BTRC: variants seen among roughly 807,000 people sequenced by gnomAD.
The protein encoded by BTRC is beta-transducin repeat containing E3 ubiquitin protein ligase.
Under a neutral mutation model 85.5 loss-of-function variants are expected in BTRC, and 42 were observed. That is an observed-to-expected ratio of 0.49 (90% CI 0.38 to 0.64). The LOEUF (loss-of-function observed/expected upper bound fraction) is 0.64, where lower values mean the gene tolerates loss of function less well. Among genes scored for constraint, BTRC ranks in the 30% least tolerant of loss-of-function variants. The pLI is 0.00. For synonymous variants in BTRC, 255 were observed against 263.3 expected (o/e 0.97, Z 0.30); for missense variants, 594 against 743.5 (o/e 0.80, Z 2.34).
intron 1 of BTRC, among the ~76,000 whole-genome samples, chr10:101,407,402 C>T (rs1222925265): frequency 1.3e-5 from 2 of 152,044 alleles, no homozygotes; most frequent in African/African-American, 2.4e-5. Context: ...TTTAACACAC[C>T]GTAATTTTTT....
chr10:101,463,004 ATTACAGG>A (rs1047674797), intron 3 of BTRC, among the ~76,000 whole-genome samples: 5 of 149,760 alleles, frequency 3.3e-5, no homozygotes, highest in African/African-American at 9.8e-5. Context: ...AGTAGCTGGA[ATTACAGG>A]TGCCTGCCAC....
At chr10:101,437,073 C>T (rs1944552161) in intron 2 of BTRC, among the ~76,000 whole-genome samples, 1 of 152,138 alleles carries the variant, frequency 6.6e-6, no homozygotes, top group African/African-American at 2.4e-5. Flanking sequence ...GATACCCTCT[C>T]TATTGTATAT....
At chr10:101,387,675 C>T (rs962058594) in intron 1 of BTRC, among the ~76,000 whole-genome samples, 5 of 149,724 alleles carry the variant, frequency 3.3e-5, no homozygotes, top group African/African-American at 9.9e-5. Flanking sequence ...TACAGGTGCC[C>T]ACCACCACAC....
chr10:101,510,770 T>C (rs1362229931), intron 4 of BTRC, among the ~76,000 whole-genome samples: 1 of 152,200 alleles, frequency 6.6e-6, no homozygotes, highest in Non-Finnish European at 1.5e-5. Context: ...ATGTATATTA[T>C]GACCCAGACT....
chr10:101,372,917 A>G (rs1942681141), intron 1 of BTRC, among the ~76,000 whole-genome samples: 3 of 152,168 alleles, frequency 2.0e-5, no homozygotes, highest in African/African-American at 7.2e-5. Flanking sequence ...TATGATTTTT[A>G]TTGGAATTGC....
chr10:101,426,503 T>C (rs1013031544), intron 1 of BTRC, among the ~76,000 whole-genome samples: 6 of 152,184 alleles, frequency 3.9e-5, no homozygotes, highest in African/African-American at 1.4e-4. Flanking sequence ...TAATTTTCTT[T>C]GGGAATTTTA....
At chr10:101,450,859 C>T (rs551853337) in intron 2 of BTRC, among the ~76,000 whole-genome samples, 3 of 152,298 alleles carry the variant, frequency 2.0e-5, no homozygotes, top group South Asian at 4.1e-4. Flanking sequence ...GTGGGTGCTG[C>T]ATGACGTTGT....
chr10:101,358,466 T>C (rs1480281129), intron 1 of BTRC, among the ~76,000 whole-genome samples: 2 of 152,204 alleles, frequency 1.3e-5, no homozygotes, highest in Non-Finnish European at 2.9e-5. Flanking sequence ...TCAAGTACAG[T>C]AGCTTGAAAT....
At chr10:101,386,623 T>C (rs1943086039) in intron 1 of BTRC, among the ~76,000 whole-genome samples, 1 of 152,218 alleles carries the variant, frequency 6.6e-6, no homozygotes, top group African/African-American at 2.4e-5. Context: ...ATACTTCTTC[T>C]TTTTAAAAAT....
chr10:101,391,360 A>G (rs1943232074), intron 1 of BTRC, among the ~76,000 whole-genome samples: 1 of 152,224 alleles, frequency 6.6e-6, no homozygotes, highest in Non-Finnish European at 1.5e-5. Context: ...TAGAGATCTA[A>G]TTTACCAGCA....
intron 1 of BTRC, among the ~76,000 whole-genome samples, chr10:101,356,269 G>A (rs545572410): frequency 6.6e-4 from 100 of 152,204 alleles, no homozygotes; most frequent in Non-Finnish European, 1.1e-3. Context: ...AAAGTGCTGG[G>A]ATTTCAGGTG....
chr10:101,370,377 G>A (rs1013144131), intron 1 of BTRC, among the ~76,000 whole-genome samples: 4 of 152,078 alleles, frequency 2.6e-5, no homozygotes. Flanking sequence ...GCCTCCCAAA[G>A]TGCTGGTATT....
intron 3 of BTRC, among the ~76,000 whole-genome samples, chr10:101,478,187 G>C (rs902314222): frequency 6.6e-6 from 1 of 151,698 alleles, no homozygotes; most frequent in South Asian, 2.1e-4. Context: ...TGTAAGCCCA[G>C]CTACTCGGGA....
At chr10:101,462,595 C>T (rs1170211450) in intron 3 of BTRC, among the ~76,000 whole-genome samples, 1 of 150,802 alleles carries the variant, frequency 6.6e-6, no homozygotes, top group East Asian at 2.0e-4. Flanking sequence ...AGGAGAATCA[C>T]TTGAACCCCA....
intron 2 of BTRC, among the ~76,000 whole-genome samples, chr10:101,437,644 T>C (rs1166172388): frequency 6.6e-6 from 1 of 152,212 alleles, no homozygotes; most frequent in Non-Finnish European, 1.5e-5. Flanking sequence ...CATCATCTGG[T>C]AATACTGATT....
chr10:101,420,017 C>T (rs1342680920), intron 1 of BTRC, among the ~76,000 whole-genome samples: 3 of 150,284 alleles, frequency 2.0e-5, no homozygotes, highest in Admixed American at 6.7e-5. Flanking sequence ...TAGGCCCTCT[C>T]AGTTGGTAGT....
chr10:101,506,192 C>A (rs1328216652), intron 4 of BTRC, among the ~76,000 whole-genome samples: 1 of 152,184 alleles, frequency 6.6e-6, no homozygotes, highest in Non-Finnish European at 1.5e-5. Flanking sequence ...GGGTTACAGG[C>A]GTGAGCCACC....
intron 1 of BTRC, among the ~76,000 whole-genome samples, chr10:101,376,771 G>A (rs998805444): frequency 2.3e-4 from 35 of 152,106 alleles, no homozygotes; most frequent in African/African-American, 8.0e-4. Flanking sequence ...GTAGGTCATA[G>A]GGTAAGGTGG....
At chr10:101,550,300 T>C (rs761710060) in intron 13 of BTRC, among the ~76,000 whole-genome samples, 28 of 152,060 alleles carry the variant, frequency 1.8e-4, no homozygotes, top group Non-Finnish European at 3.7e-4. Context: ...TTTATTTTTT[T>C]TTTAGACAGA....
Sources: gnomAD v4.1 joint callset for allele counts (sites outside exome capture counted in the v4.1 genomes callset) on GRCh38, gnomAD v4.1.1 for gene constraint, MANE v1.5 for transcripts, NCBI Gene and HGNC (gene_info 2026-07-23, HGNC 2026-07-21) for gene names.